HIPK3: variants seen among roughly 807,000 people sequenced by gnomAD.
The protein encoded by HIPK3 is homeodomain interacting protein kinase 3, also known as homeodomain-interacting protein kinase 3.
HIPK3 carries 47 observed loss-of-function variants against 124.2 expected under a neutral mutation model. The observed-to-expected ratio is 0.38, with a 90% CI of 0.30 to 0.48. HIPK3 has a LOEUF of 0.48. Among genes scored for constraint, HIPK3 ranks in the 20% least tolerant of loss-of-function variants. The pLI, the probability that HIPK3 is intolerant of heterozygous loss-of-function variation, is 0.98. For missense variants in HIPK3, 1,286 were observed against 1,454.3 expected, an observed-to-expected ratio of 0.88 and a Z score of 1.88; for synonymous variants, 482 against 515.2, an observed-to-expected ratio of 0.94 and a Z score of 0.87.
At chr11:33,258,349 C>G in intron 1 of HIPK3, 1 of 985,614 alleles carries the variant, frequency 1.0e-6, no homozygotes, top group Non-Finnish European at 1.2e-6. Context: ...GGGGAACAAA[C>G]AAACGCGCAG....
At chr11:33,304,418 T>G (rs1004949002) in intron 2 of HIPK3, among the ~76,000 whole-genome samples, 2 of 151,912 alleles carry the variant, frequency 1.3e-5, no homozygotes, top group Non-Finnish European at 2.9e-5. Flanking sequence ...TTAGCTGGGC[T>G]TGGTGGCGCA....
chr11:33,257,255 G>A, upstream of HIPK3: 1 of 983,672 alleles, frequency 1.0e-6, no homozygotes, highest in Non-Finnish European at 1.2e-6. Flanking sequence ...TCACGGAGGC[G>A]CCGCGGCCGG....
intron 2 of HIPK3, among the ~76,000 whole-genome samples, chr11:33,302,499 G>C (rs537469088): frequency 6.6e-6 from 1 of 151,904 alleles, no homozygotes; most frequent in Non-Finnish European, 1.5e-5. Flanking sequence ...ATCACACCTG[G>C]CTAATTTTTG....
At chr11:33,257,034 C>T (rs1850681755), upstream of HIPK3, among the ~76,000 whole-genome samples, 1 of 152,324 alleles carries the variant, frequency 6.6e-6, no homozygotes, top group South Asian at 2.1e-4. Flanking sequence ...TTCATCCTTT[C>T]TTCGGGTATT....
rs1051745795 is a variant in HIPK3 at position 33,355,544 on chromosome 11, G to A, written c.*1976G>A. 1 of 151,918 alleles carries A rather than the reference G, an allele frequency of 6.6e-6. No individual in the cohort carries two copies. Among genetic ancestry groups the A allele is most frequent in the African/African-American group, 2.4e-5 (1 of 41,410 alleles). The allele number at this position is 151,918 out of a possible 1,614,324, so 9.4% of individuals were successfully genotyped here. Reference sequence around the variant, plus strand: ...AAACTCTAGATGTTTTGGATTTACAGCGTTTCTTTGATAAATGAATTGTAT... The same window carrying A: ...AAACTCTAGATGTTTTGGATTTACAACGTTTCTTTGATAAATGAATTGTAT... On this transcript the variant is annotated 3_prime_UTR_variant, in exon 17 of 17. Coordinates refer to ENST00000303296, the MANE Select transcript of HIPK3 (RefSeq NM_005734.5).
intron 2 of HIPK3, among the ~76,000 whole-genome samples, chr11:33,312,797 T>C (rs1339719887): frequency 6.6e-6 from 1 of 152,216 alleles, no homozygotes; most frequent in African/African-American, 2.4e-5. Context: ...TAAGGGAGAC[T>C]AGTTATGTGC....
In HIPK3 at chr11:33,348,661, T is replaced by C. The variant is rs1853569065; in HGVS notation, c.2509T>C (p.Cys837Arg). 2 of 1,614,188 alleles carry C rather than the reference T, an allele frequency of 1.2e-6. No homozygotes were observed. Among genetic ancestry groups the C allele is most frequent in the South Asian group, 1.1e-5 (1 of 91,086 alleles). ...CTCAGAAGGAGAGGCAAGAAATTGC[T>C]GTGAAACATCTATCAGACAGGACTC... ...QNSEGEARNCCETSIRQDSDS... is the reference protein window; with the variant it reads ...QNSEGEARNCRETSIRQDSDS... Residue 837 changes from cysteine to arginine, a missense_variant, in exon 13 of 17, where the codon TGT becomes CGT. Around this residue, in one of 3 missense-constraint regions of HIPK3, gnomAD observed 810 missense variants for 864.9 expected, o/e 0.94. Coordinates refer to ENST00000303296, the MANE Select transcript of HIPK3 (RefSeq NM_005734.5).
At chr11:33,285,896 C>T (rs982288446) in intron 1 of HIPK3, among the ~76,000 whole-genome samples, 49 of 151,954 alleles carry the variant, frequency 3.2e-4, no homozygotes, top group African/African-American at 1.1e-3. Context: ...CTCAGCCTCC[C>T]GAGTAGCTGG....
In HIPK3 at chr11:33,286,643, T is replaced by G. The variant is rs748606217; in HGVS notation, c.229T>G (p.Ser77Ala). 6.2e-7 allele frequency: 1 copy of G among 1,614,204 alleles called. No homozygotes were observed. Among genetic ancestry groups the G allele is most frequent in the South Asian group, 1.1e-5 (1 of 91,086 alleles). The change falls in exon 2 of 17, where the codon TCA becomes GCA. Residue 77 changes from serine to alanine, a missense_variant. By Grantham distance (99) the Ser-to-Ala change is moderately conservative. Transcript: ENST00000303296. ...PFNRPRGHNF[S>A]LQTSAVVLKN... is the part of the protein sequence containing the mutation. Reference sequence around the variant, plus strand: ...TAATAGACCTCGAGGACACAACTTTTCATTGCAGACAAGTGCTGTTGTTTT... The same window carrying G: ...TAATAGACCTCGAGGACACAACTTTGCATTGCAGACAAGTGCTGTTGTTTT...
At chr11:33,339,149 CT>C (rs1331897449) in intron 5 of HIPK3, among the ~76,000 whole-genome samples, 200 bp from the exon 6 acceptor site, 1 of 152,120 alleles carries the variant, frequency 6.6e-6, no homozygotes, top group African/African-American at 2.4e-5. Flanking sequence ...TTAAAAACTT[CT>C]TTTATGCTTT....
In HIPK3 at chr11:33,286,877, C is replaced by G; in HGVS notation, c.463C>G (p.Gln155Glu). Reference protein sequence around the residue: ...DELSILPAMLQTNMGNPVTVV... With the variant: ...DELSILPAMLETNMGNPVTVV... ...ATTGTCCATACTTCCTGCAATGTTGCAAACCAACATGGGAAATCCAGTGAC... is the reference window on the plus strand; with the variant it reads ...ATTGTCCATACTTCCTGCAATGTTGGAAACCAACATGGGAAATCCAGTGAC... The change falls in exon 2 of 17, where the codon CAA (glutamine) becomes GAA (glutamate). Residue 155 changes from glutamine to glutamate, a missense_variant. By Grantham distance (29) the Gln-to-Glu change is conservative. Coordinates refer to ENST00000303296, the MANE Select transcript of HIPK3 (RefSeq NM_005734.5). The G allele has an allele frequency of 6.2e-7, 1 of 1,614,116 alleles. No homozygotes were observed.
chr11:33,269,179 C>T (rs530672955), intron 1 of HIPK3, among the ~76,000 whole-genome samples: 4 of 152,304 alleles, frequency 2.6e-5, no homozygotes, highest in South Asian at 2.1e-4. Flanking sequence ...AACATGTCAT[C>T]GACAAACTTA....
rs1169498647 is a variant in HIPK3 at position 33,257,666 on chromosome 11, GAGCAGCAGC to G, written c.-213_-205del. 24 of 993,860 alleles carry G rather than the reference GAGCAGCAGC, an allele frequency of 2.4e-5. No individual in the cohort carries two copies. In the East Asian group the frequency reaches 3.3e-4, roughly 14 times the overall value. 61.6% of individuals were successfully genotyped at this position (993,860 alleles called of 1,614,324 possible). A position where few individuals can be genotyped will look rare whatever the true frequency, so the allele number is the denominator to read the frequency against. On this transcript the variant is annotated 5_prime_UTR_variant, in exon 1 of 17. Coordinates refer to ENST00000303296, the MANE Select transcript of HIPK3 (RefSeq NM_005734.5). ...AGACGGGCCCGGCGCTTAGCAGCCA[GAGCAGCAGC>G]AGCAGCAGCAGCGGTCGGGGGAGGG...
Position 33,354,846 on chromosome 11 carries a change from C to T in HIPK3, c.*1278C>T, listed in dbSNP as rs1366258163. ...TGTGTTGAGTTCCCCCCTTCCCCGA[C>T]ATTTTTTTCTTTTTTGGGTGGTGGT... On this transcript the variant is annotated 3_prime_UTR_variant, in exon 17 of 17. Coordinates refer to ENST00000303296, the MANE Select transcript of HIPK3 (RefSeq NM_005734.5). 6.6e-6 allele frequency: 1 copy of T among 151,712 alleles called. No homozygotes were observed. The highest frequency in any genetic ancestry group is 1.5e-5 in the Non-Finnish European group (1 of 67,834). The allele number at this position is 151,712 out of a possible 1,614,324, so 9.4% of individuals were successfully genotyped here.
chr11:33,321,580 A>T (rs942515422), intron 2 of HIPK3, among the ~76,000 whole-genome samples: 37 of 152,208 alleles, frequency 2.4e-4, no homozygotes, highest in African/African-American at 8.9e-4. Context: ...TAGATGTGGT[A>T]AGAATGTGGA....
intron 2 of HIPK3, among the ~76,000 whole-genome samples, chr11:33,305,161 T>C (rs1445726231): frequency 6.6e-6 from 1 of 152,182 alleles, no homozygotes; most frequent in Non-Finnish European, 1.5e-5. Flanking sequence ...CCACCATGCC[T>C]GACCAACTTT....
intron 2 of HIPK3, among the ~76,000 whole-genome samples, chr11:33,293,554 TTAACA>T (rs1437959554): frequency 7.9e-5 from 12 of 152,222 alleles, no homozygotes; most frequent in Admixed American, 1.3e-4. Flanking sequence ...TTTTTTTCAC[TTAACA>T]TAATATTTTC....
intron 1 of HIPK3, among the ~76,000 whole-genome samples, chr11:33,279,324 C>CAAAAAAAAAA (rs869091127): frequency 3.9e-5 from 3 of 77,528 alleles, no homozygotes; most frequent in Non-Finnish European, 7.4e-5. Context: ...CTCTTTGTCT[C>CAAAAAAAAAA]AAAAAAAAAA....
intron 1 of HIPK3, among the ~76,000 whole-genome samples, chr11:33,270,209 C>A (rs568719072): frequency 3.2e-4 from 49 of 152,156 alleles, no homozygotes; most frequent in South Asian, 2.9e-3. Context: ...AAACTCCTGA[C>A]CCTCAGGTGA....
Sources: allele counts gnomAD v4.1 joint callset (sites outside exome capture counted in the v4.1 genomes callset), GRCh38; gene constraint gnomAD v4.1.1; regional missense constraint gnomAD v4.1.1; transcripts MANE v1.5; gene names NCBI Gene and HGNC (gene_info 2026-07-23, HGNC 2026-07-21).